The following CNTNAP2 variants were observed in gnomAD, a reference collection of about 807,000 sequenced individuals.
CNTNAP2 encodes contactin associated protein 2.
Under a neutral mutation model 155.2 loss-of-function variants are expected in CNTNAP2, and 98 were observed. The ratio of observed to expected loss-of-function variants is 0.63; its 90% CI spans 0.54 to 0.75. CNTNAP2 has a LOEUF of 0.75. Ranked by LOEUF, CNTNAP2 falls within the 30% of genes least tolerant of loss-of-function variation. The probability of loss-of-function intolerance (pLI) is 0.00; values close to 1 mark genes in which losing one functional copy is unlikely to be tolerated. For missense variants in CNTNAP2, 1,727 were observed against 1,688.1 expected, an observed-to-expected ratio of 1.02 and a Z score of -0.40; for synonymous variants, 651 against 631.2, an observed-to-expected ratio of 1.03 and a Z score of -0.47.
At chr7:148,129,455 G>A (rs1321869896) in intron 16 of CNTNAP2, among the ~76,000 whole-genome samples, 1 of 152,102 alleles carries the variant, frequency 6.6e-6, no homozygotes, top group Non-Finnish European at 1.5e-5. Context: ...AACTTTCTGG[G>A]TGGTAGAAAT....
At chr7:147,414,281 G>GGGC (rs894800191) in intron 10 of CNTNAP2, among the ~76,000 whole-genome samples, 2 of 151,768 alleles carry the variant, frequency 1.3e-5, no homozygotes, top group Non-Finnish European at 2.9e-5. Context: ...AAGATTAGCT[G>GGGC]GGCTCTGTGG....
At chr7:147,171,575 TA>T (rs1802227617) in intron 8 of CNTNAP2, among the ~76,000 whole-genome samples, 1 of 152,198 alleles carries the variant, frequency 6.6e-6, no homozygotes, top group South Asian at 2.1e-4. Flanking sequence ...TCCTAACTGG[TA>T]AATTCAGTTT....
At position 146,774,360 on chromosome 7, in the gene CNTNAP2, G is replaced by A. The variant is rs1047471077; in HGVS notation, c.187G>A (p.Ala63Thr). Residue 63 changes from alanine to threonine, a missense_variant, in exon 2 of 24, where the codon GCC becomes ACC. Coordinates refer to ENST00000361727, the MANE Select transcript of CNTNAP2 (RefSeq NM_014141.6). ...SISGSYSPGYAKINKRGGAGG... is the reference protein window; with the variant it reads ...SISGSYSPGYTKINKRGGAGG... ...CTCTGGTAGCTATTCTCCCGGCTATGCCAAGATAAACAAGAGAGGAGGTAA... is the reference window on the plus strand; with the variant it reads ...CTCTGGTAGCTATTCTCCCGGCTATACCAAGATAAACAAGAGAGGAGGTAA... 2 of 1,613,628 alleles carry A rather than the reference G, an allele frequency of 1.2e-6. No individual in the cohort carries two copies. The highest frequency in any genetic ancestry group is 1.7e-5 in the Admixed American group (1 of 59,986).
At chr7:147,044,135 A>G in intron 4 of CNTNAP2, 81 bp downstream of exon 4, 6 of 1,515,934 alleles carry the variant, frequency 4.0e-6, no homozygotes, top group Non-Finnish European at 5.5e-6. Context: ...ATTATTTAAC[A>G]TTACTTGCTT....
intron 14 of CNTNAP2, among the ~76,000 whole-genome samples, chr7:147,910,453 T>C (rs747145386): frequency 2.0e-5 from 3 of 152,184 alleles, no homozygotes; most frequent in African/African-American, 4.8e-5. Flanking sequence ...TAAAAAGCAG[T>C]AGAGCAGAGA....
intron 6 of CNTNAP2, among the ~76,000 whole-genome samples, chr7:147,127,365 G>A (rs1563086015): frequency 6.6e-6 from 1 of 150,410 alleles, no homozygotes; most frequent in African/African-American, 2.4e-5. Flanking sequence ...TGATTTTATT[G>A]TAAATGAGGC....
intron 1 of CNTNAP2, among the ~76,000 whole-genome samples, chr7:146,257,686 T>C (rs1799860393): frequency 6.6e-6 from 1 of 152,168 alleles, no homozygotes. Context: ...CCCATCAGAA[T>C]CACTGGGAGG....
intron 21 of CNTNAP2, among the ~76,000 whole-genome samples, chr7:148,308,116 G>A (rs1266624044): frequency 6.6e-6 from 1 of 151,956 alleles, no homozygotes; most frequent in African/African-American, 2.4e-5. Context: ...AAATAGTGAG[G>A]TCCCTTAGTA....
chr7:148,344,239 A>G (rs1798282515), intron 21 of CNTNAP2, among the ~76,000 whole-genome samples: 3 of 152,202 alleles, frequency 2.0e-5, no homozygotes, highest in Admixed American at 1.3e-4. Flanking sequence ...TGTGGCTCAG[A>G]AGCAAATTCT....
chr7:148,414,577 T>TTTCTGGCTCTCC (rs1799934275), intron 23 of CNTNAP2, among the ~76,000 whole-genome samples: 1 of 151,456 alleles, frequency 6.6e-6, no homozygotes, highest in African/African-American at 2.4e-5. Flanking sequence ...TGCTCTGTCC[T>TTTCTGGCTCTCC]TTCTGGCTCT....
chr7:147,611,958 G>A (rs1801195700), intron 12 of CNTNAP2, among the ~76,000 whole-genome samples: 1 of 152,134 alleles, frequency 6.6e-6, no homozygotes, highest in South Asian at 2.1e-4. Context: ...AATAAGTTAT[G>A]TCAGGGAGAT....
intron 1 of CNTNAP2, among the ~76,000 whole-genome samples, chr7:146,196,507 C>A (rs1271557403): frequency 2.7e-5 from 4 of 149,036 alleles, no homozygotes; most frequent in Non-Finnish European, 5.9e-5. Context: ...TTAAGGTAAG[C>A]CCAAGACTAT....
At chr7:147,575,600 C>A (rs1341655572) in intron 12 of CNTNAP2, among the ~76,000 whole-genome samples, 3 of 151,286 alleles carry the variant, frequency 2.0e-5, no homozygotes, top group Non-Finnish European at 4.4e-5. Context: ...TGTCAGTGTG[C>A]CAGTGTTTAC....
intron 1 of CNTNAP2, among the ~76,000 whole-genome samples, chr7:146,564,570 A>C (rs1798328777): frequency 6.7e-6 from 1 of 148,658 alleles, no homozygotes; most frequent in South Asian, 2.1e-4. Context: ...TATATAATGC[A>C]ACATGTAATA....
chr7:147,371,286 A>G (rs1028093477), intron 9 of CNTNAP2, among the ~76,000 whole-genome samples: 1 of 152,178 alleles, frequency 6.6e-6, no homozygotes, highest in East Asian at 1.9e-4. Context: ...TTTAAGCACT[A>G]TACATTTATG....
At chr7:148,238,264 G>C (rs1229167113) in intron 20 of CNTNAP2, among the ~76,000 whole-genome samples, 2 of 152,132 alleles carry the variant, frequency 1.3e-5, no homozygotes, top group African/African-American at 4.8e-5. Flanking sequence ...CAGGAGAATC[G>C]CTTGAACCCG....
intron 8 of CNTNAP2, among the ~76,000 whole-genome samples, chr7:147,139,411 A>G (rs1801552573): frequency 6.6e-6 from 1 of 152,152 alleles, no homozygotes; most frequent in Non-Finnish European, 1.5e-5. Context: ...AACAAAATAA[A>G]TAGTGTTGGC....
intron 3 of CNTNAP2, among the ~76,000 whole-genome samples, chr7:146,904,131 G>T (rs1250739556): frequency 6.6e-6 from 1 of 152,082 alleles, no homozygotes; most frequent in South Asian, 2.1e-4. Flanking sequence ...ATATCTTAAT[G>T]ATTTCACCAA....
Position 146,596,599 on chromosome 7 carries a change from G to C in CNTNAP2, c.98-177672G>C, listed in dbSNP as rs12703826. Reference sequence around the variant, plus strand: ...AAGAGAGAGATAGAAGGGAGACAGAGAGAGAGAGAGAGAGAGAGAGAGAGA... The same window carrying C: ...AAGAGAGAGATAGAAGGGAGACAGACAGAGAGAGAGAGAGAGAGAGAGAGA... On this transcript the variant is annotated intron_variant, in intron 1 of 23. Transcript: ENST00000361727. Among the ~76,000 whole-genome samples, 226 of 43,794 alleles carry C rather than the reference G, an allele frequency of 5.2e-3. 1 individual carries two copies. The highest frequency in any genetic ancestry group is 0.039 in the South Asian group (32 of 820). The allele number at this position is 43,794 out of a possible 152,430, so 28.7% of individuals were successfully genotyped here.
Sources: allele counts gnomAD v4.1 joint callset (sites outside exome capture counted in the v4.1 genomes callset), GRCh38; gene constraint gnomAD v4.1.1; transcripts MANE v1.5; gene names NCBI Gene and HGNC (gene_info 2026-07-23, HGNC 2026-07-21).